Variants in SUCLG2 observed in about 807,000 individuals in gnomAD.
SUCLG2 encodes the protein succinate-CoA ligase GDP-forming subunit beta.
In SUCLG2, 42 loss-of-function variants were observed where a neutral mutation model predicts 47.9. The ratio of observed to expected loss-of-function variants is 0.88; its 90% CI spans 0.69 to 1.14. The LOEUF (loss-of-function observed/expected upper bound fraction) is 1.14, where lower values mean the gene tolerates loss of function less well. SUCLG2 is among the 50% of genes most tolerant of loss of function. The pLI, the probability that SUCLG2 is intolerant of heterozygous loss-of-function variation, is 0.00. For synonymous variants in SUCLG2, 195 were observed against 197.3 expected (o/e 0.99, Z 0.10); for missense variants, 571 against 525.9 (o/e 1.09, Z -0.84).
At chr3:67,542,649 C>A (rs750212039) in intron 2 of SUCLG2, among the ~76,000 whole-genome samples, 4 of 152,050 alleles carry the variant, frequency 2.6e-5, no homozygotes, top group Non-Finnish European at 5.9e-5. Context: ...AAATGGAAAG[C>A]AAACAAAAGC....
intron 2 of SUCLG2, among the ~76,000 whole-genome samples, chr3:67,585,993 C>CAAAAAAAAAAAAAAAA (rs1575797477): frequency 4.8e-5 from 1 of 20,738 alleles, no homozygotes. Context: ...AAAAAAAAAC[C>CAAAAAAAAAAAAAAAA]AAACCCACAA....
chr3:67,526,936 T>A (rs1488904870), intron 4 of SUCLG2, among the ~76,000 whole-genome samples: 2 of 152,200 alleles, frequency 1.3e-5, no homozygotes, highest in Non-Finnish European at 2.9e-5. Flanking sequence ...CAGATGTCTT[T>A]CAACAGATGA....
chr3:67,416,645 G>GA (rs1477299257), intron 9 of SUCLG2, among the ~76,000 whole-genome samples: 5 of 152,146 alleles, frequency 3.3e-5, no homozygotes, highest in African/African-American at 4.8e-5. Flanking sequence ...TGAGTTAAAT[G>GA]AAAAGTACTG....
At chr3:67,644,075 G>C (rs943325284) in intron 1 of SUCLG2, among the ~76,000 whole-genome samples, 4 of 152,150 alleles carry the variant, frequency 2.6e-5, no homozygotes, top group Non-Finnish European at 4.4e-5. Flanking sequence ...TTTCTTAATA[G>C]ACATTTTAGT....
At chr3:67,543,998 A>G (rs1438312860) in intron 2 of SUCLG2, among the ~76,000 whole-genome samples, 1 of 152,224 alleles carries the variant, frequency 6.6e-6, no homozygotes, top group Non-Finnish European at 1.5e-5. Context: ...CCTCCTAAAG[A>G]GTCACGCAAG....
At chr3:67,564,973 C>T (rs1231121734) in intron 2 of SUCLG2, among the ~76,000 whole-genome samples, 1 of 151,728 alleles carries the variant, frequency 6.6e-6, no homozygotes, top group Admixed American at 6.6e-5. Context: ...CTATTCTTCC[C>T]ACTGCTTTTT....
At chr3:67,600,759 T>G (rs1450621804) in intron 2 of SUCLG2, among the ~76,000 whole-genome samples, 1 of 152,182 alleles carries the variant, frequency 6.6e-6, no homozygotes, top group African/African-American at 2.4e-5. Context: ...TCCTCCATGG[T>G]TTTTTTGCCT....
At chr3:67,441,651 G>T (rs1387361003) in intron 9 of SUCLG2, among the ~76,000 whole-genome samples, 2 of 152,084 alleles carry the variant, frequency 1.3e-5, no homozygotes, top group Non-Finnish European at 2.9e-5. Context: ...TCAACTTTAG[G>T]ATCTTTTGTT....
intron 10 of SUCLG2, among the ~76,000 whole-genome samples, chr3:67,383,625 GTTC>G (rs1702204914): frequency 1.3e-5 from 2 of 152,128 alleles, no homozygotes; most frequent in Admixed American, 1.3e-4. Flanking sequence ...CAATGGCTAA[GTTC>G]TTCTCTACAC....
rs77327193 is a variant in SUCLG2 at position 67,601,455 on chromosome 3, G to A, written c.226+8000C>T. ...TTAAAAGGGGCAATCCACCCAGACA[G>A]AGCGATCACAGCAGTGAGGTCCTAT... On this transcript the variant is annotated intron_variant, in intron 2 of 10. Coordinates refer to ENST00000307227, the MANE Select transcript of SUCLG2 (RefSeq NM_003848.4). Among the ~76,000 whole-genome samples, 1,372 of 152,242 alleles carry A rather than the reference G, an allele frequency of 9.0e-3. 24 individuals carry two copies. Among genetic ancestry groups the A allele is most frequent in the African/African-American group, 0.031 (1,295 of 41,544 alleles).
intron 1 of SUCLG2, among the ~76,000 whole-genome samples, chr3:67,652,488 C>G (rs774878654): frequency 6.6e-6 from 1 of 152,078 alleles, no homozygotes; most frequent in Non-Finnish European, 1.5e-5. Context: ...AACGTAATAT[C>G]AAATCAGTGT....
intron 9 of SUCLG2, among the ~76,000 whole-genome samples, chr3:67,473,991 C>T (rs1704669891): frequency 6.6e-6 from 1 of 152,158 alleles, no homozygotes; most frequent in Admixed American, 6.5e-5. Flanking sequence ...GGCATGGTGG[C>T]TCACGACTGT....
intron 2 of SUCLG2, among the ~76,000 whole-genome samples, chr3:67,554,669 G>A (rs756273773): frequency 6.6e-6 from 1 of 152,116 alleles, no homozygotes; most frequent in Non-Finnish European, 1.5e-5. Flanking sequence ...AGAAGTTTCT[G>A]TTTCTCTCAC....
intron 9 of SUCLG2, among the ~76,000 whole-genome samples, chr3:67,456,787 A>G (rs900324315): frequency 2.0e-5 from 3 of 152,210 alleles, no homozygotes; most frequent in Non-Finnish European, 4.4e-5. Context: ...TTTCTTGAGG[A>G]TATTCAGCTC....
At chr3:67,587,064 A>C (rs1708041107) in intron 2 of SUCLG2, among the ~76,000 whole-genome samples, 1 of 152,222 alleles carries the variant, frequency 6.6e-6, no homozygotes, top group Non-Finnish European at 1.5e-5. Flanking sequence ...TCCAATAAAC[A>C]GTCACCACAT....
intron 10 of SUCLG2, among the ~76,000 whole-genome samples, chr3:67,383,543 A>G (rs1702203370): frequency 6.6e-6 from 1 of 152,218 alleles, no homozygotes; most frequent in Admixed American, 6.5e-5. Context: ...GAAGAAATCA[A>G]CACTCGAGGT....
rs150644572 is a variant in SUCLG2 at position 67,647,170 on chromosome 3, C to G, written c.84+7333G>C. On this transcript the variant is annotated intron_variant, in intron 1 of 10. Transcript: ENST00000307227. The stretch of plus-strand genomic sequence containing the variant: ...AGCAGAAAAAAGATGCTAGTCCCCC[C>G]ACTCCAACCCACAGGACCCAAACTT... 6.9e-3 allele frequency among the ~76,000 whole-genome samples: 1,049 copies of G among 152,284 alleles called. 16 individuals are homozygous for G. The highest frequency in any genetic ancestry group is 0.024 in the African/African-American group (1,000 of 41,550).
intron 9 of SUCLG2, among the ~76,000 whole-genome samples, chr3:67,436,179 T>G (rs1443138265): frequency 6.6e-6 from 1 of 152,234 alleles, no homozygotes; most frequent in Non-Finnish European, 1.5e-5. Context: ...AACCTGCTTT[T>G]TTCTAAAGAC....
chr3:67,577,788 C>T (rs1707781775), intron 2 of SUCLG2, among the ~76,000 whole-genome samples: 1 of 152,160 alleles, frequency 6.6e-6, no homozygotes, highest in African/African-American at 2.4e-5. Context: ...TGTAAAGGGG[C>T]ATCCACACTA....
Sources: gnomAD v4.1 joint callset for allele counts (sites outside exome capture counted in the v4.1 genomes callset) on GRCh38, gnomAD v4.1.1 for gene constraint, MANE v1.5 for transcripts, NCBI Gene and HGNC (gene_info 2026-07-23, HGNC 2026-07-21) for gene names.